Variants in MPP7 observed in about 807,000 individuals in gnomAD.
The protein encoded by MPP7 is MAGUK p55 scaffold protein 7.
MPP7 carries 60 observed loss-of-function variants against 76.5 expected under a neutral mutation model. That is an observed-to-expected ratio of 0.78 (90% CI 0.64 to 0.97). The LOEUF (loss-of-function observed/expected upper bound fraction) is 0.97. Ranked by LOEUF, MPP7 falls within the 50% of genes least tolerant of loss-of-function variation. The pLI is 0.00. For synonymous variants in MPP7, 237 were observed against 244.5 expected (o/e 0.97, Z 0.29); for missense variants, 641 against 694.0 (o/e 0.92, Z 0.86).
intron 5 of MPP7, among the ~76,000 whole-genome samples, chr10:28,145,646 C>T (rs371901799): frequency 6.6e-6 from 1 of 152,076 alleles, no homozygotes; most frequent in African/African-American, 2.4e-5. Context: ...ACTTTATTCC[C>T]AAGACTAGCT....
At chr10:28,199,291 G>A (rs2133975434) in intron 3 of MPP7, among the ~76,000 whole-genome samples, 1 of 152,248 alleles carries the variant, frequency 6.6e-6, no homozygotes, top group East Asian at 1.9e-4. Flanking sequence ...ATCAATATGA[G>A]ACTTCTCAGG....
intron 2 of MPP7, among the ~76,000 whole-genome samples, 181 bp from the exon 3 acceptor site, chr10:28,202,452 A>G (rs1006539952): frequency 6.6e-5 from 10 of 152,248 alleles, no homozygotes; most frequent in Non-Finnish European, 1.3e-4. Context: ...ATTCCAAAGC[A>G]GTGGTATGTA....
Position 28,268,235 on chromosome 10 carries a change from C to T in MPP7, c.-131-29500G>A, listed in dbSNP as rs145304769. Among the ~76,000 whole-genome samples the T allele has an allele frequency of 8.1e-3, 1,224 of 152,026 alleles. 17 individuals are homozygous for T. The highest frequency in any genetic ancestry group is 0.028 in the African/African-American group (1,152 of 41,460). ...CCGCCATGTGAGAGACAAGGGCATC[C>T]GGCAGAAGGTACAAGAAGAATTCAG... On this transcript the variant is annotated intron_variant, in intron 1 of 16. Coordinates refer to ENST00000683449, the MANE Select transcript of MPP7 (RefSeq NM_001318170.2).
At chr10:28,313,416 G>A (rs1412575634) in intron 2 of MPP7, among the ~76,000 whole-genome samples, 1 of 152,096 alleles carries the variant, frequency 6.6e-6, no homozygotes, top group African/African-American at 2.4e-5. Flanking sequence ...TGAGGCAGGA[G>A]AATCTCTTGA....
At chr10:28,132,874 A>G (rs527754014) in intron 5 of MPP7, among the ~76,000 whole-genome samples, 91 of 122,300 alleles carry the variant, frequency 7.4e-4, no homozygotes, top group African/African-American at 2.3e-3. Context: ...CTGAGATTAC[A>G]GGCATGAGCC....
At chr10:28,189,438 G>A (rs560752346) in intron 3 of MPP7, among the ~76,000 whole-genome samples, 59 of 151,954 alleles carry the variant, frequency 3.9e-4, no homozygotes, top group African/African-American at 1.3e-3. Flanking sequence ...GCATGGTGGC[G>A]CACGCCTGTA....
rs564749651 is a variant in MPP7, at chr10:28,051,375, C to T, written c.*2690G>A. 257 of 152,190 alleles carry T rather than the reference C, an allele frequency of 1.7e-3. No individual in the cohort carries two copies. The highest frequency in any genetic ancestry group is 5.8e-3 in the African/African-American group (239 of 41,528). The allele number at this position is 152,190 out of a possible 1,614,324, so 9.4% of individuals were successfully genotyped here. On this transcript the variant is annotated 3_prime_UTR_variant, in exon 17 of 17. Coordinates refer to ENST00000683449, the MANE Select transcript of MPP7 (RefSeq NM_001318170.2). The stretch of plus-strand genomic sequence containing the variant: ...ATTACACAATACCAGGAAGGTCAGC[C>T]TTAAAGATACCAAGAACTTCCATAT...
intron 3 of MPP7, among the ~76,000 whole-genome samples, chr10:28,171,030 CA>C (rs1251223472): frequency 6.6e-6 from 1 of 152,094 alleles, no homozygotes; most frequent in African/African-American, 2.4e-5. Context: ...CAAATTGTTC[CA>C]AAAGGTAAGT....
chr10:28,189,718 A>G (rs1400231559), intron 3 of MPP7, among the ~76,000 whole-genome samples: 1 of 152,084 alleles, frequency 6.6e-6, no homozygotes, highest in African/African-American at 2.4e-5. Flanking sequence ...AAAATGGTCA[A>G]CTAAAAGCAG....
chr10:28,145,640 T>C (rs72803636), intron 5 of MPP7, among the ~76,000 whole-genome samples: 5,749 of 152,284 alleles, frequency 0.038, 158 homozygotes, highest in Middle Eastern at 0.085. Flanking sequence ...AAAGATACTT[T>C]ATTCCCAAGA....
intron 1 of MPP7, among the ~76,000 whole-genome samples, chr10:28,248,633 G>A (rs189838086): frequency 2.6e-5 from 4 of 152,300 alleles, no homozygotes; most frequent in East Asian, 1.9e-4. Context: ...CAGTCAATGC[G>A]ATGCAGGGCA....
intron 3 of MPP7, among the ~76,000 whole-genome samples, chr10:28,185,860 T>C (rs550736973): frequency 7.9e-5 from 12 of 152,312 alleles, no homozygotes; most frequent in African/African-American, 2.9e-4. Context: ...TGAAATTCCA[T>C]GCTGACACTA....
In MPP7 at chr10:28,119,638, T is replaced by C; in HGVS notation, c.952+13A>G. The C allele has an allele frequency of 6.2e-7, 1 of 1,610,692 alleles. No individual in the cohort carries two copies. The highest frequency in any genetic ancestry group is 8.5e-7 in the Non-Finnish European group (1 of 1,177,058). Reference sequence around the variant, plus strand: ...AGGGTTTGGTTTCTCTGCATTCTTATTAACAAACTTACATGATTTCCTGTT... The same window carrying C: ...AGGGTTTGGTTTCTCTGCATTCTTACTAACAAACTTACATGATTTCCTGTT... On this transcript the variant is annotated intron_variant, in intron 11 of 16. Coordinates refer to ENST00000683449, the MANE Select transcript of MPP7 (RefSeq NM_001318170.2).
rs201341075 is a variant in MPP7 at position 28,315,244 on chromosome 10, AAAGG to A, written c.-132+14681_-132+14684del. On this transcript the variant is annotated intron_variant, in intron 2 of 11. Transcript: ENST00000441595. ...GGAAGGGAGGGAGGGAGGAAGGGAG[AAAGG>A]AAGGAAGGGAGGGAGGGAAAAGAAA... is the stretch of plus-strand genomic sequence containing the variant. Among the ~76,000 whole-genome samples the A allele has an allele frequency of 3.8e-3, 491 of 130,608 alleles. 6 individuals are homozygous for A. Among genetic ancestry groups the A allele is most frequent in the African/African-American group, 0.013 (462 of 36,552 alleles). 85.7% of individuals were successfully genotyped at this position (130,608 alleles called of 152,430 possible). A position where few individuals can be genotyped will look rare whatever the true frequency, so the allele number is the denominator to read the frequency against.
At chr10:28,082,060 T>G (rs1852788138) in intron 12 of MPP7, among the ~76,000 whole-genome samples, 1 of 152,142 alleles carries the variant, frequency 6.6e-6, no homozygotes, top group Non-Finnish European at 1.5e-5. Flanking sequence ...AGCCAGAAAT[T>G]ATTTCCAAGG....
chr10:28,307,871 G>T (rs1841267852), upstream of MPP7, among the ~76,000 whole-genome samples: 1 of 152,144 alleles, frequency 6.6e-6, no homozygotes, highest in South Asian at 2.1e-4. Flanking sequence ...TCCAGGACTA[G>T]CAAGTTCATG....
intron 5 of MPP7, among the ~76,000 whole-genome samples, chr10:28,141,475 C>T (rs571468514): frequency 1.3e-5 from 2 of 151,912 alleles, no homozygotes; most frequent in Non-Finnish European, 2.9e-5. Flanking sequence ...TGAGATACTT[C>T]GGTAAGGTGG....
intron 2 of MPP7, among the ~76,000 whole-genome samples, chr10:28,324,153 C>G (rs2368309): frequency 0.3 from 45,971 of 151,858 alleles, 7,180 homozygotes; most frequent in East Asian, 0.43. Flanking sequence ...GGGGCTGTGA[C>G]TAGGTCATGA....
intron 3 of MPP7, among the ~76,000 whole-genome samples, chr10:28,199,361 T>C: frequency 6.6e-6 from 1 of 152,168 alleles, no homozygotes; most frequent in East Asian, 1.9e-4. Flanking sequence ...ACCGTTTTTA[T>C]TATTCTTCGT....
Sources: gnomAD v4.1 joint callset for allele counts (sites outside exome capture counted in the v4.1 genomes callset) on GRCh38, gnomAD v4.1.1 for gene constraint, MANE v1.5 for transcripts, NCBI Gene and HGNC (gene_info 2026-07-23, HGNC 2026-07-21) for gene names.